NUDCD2: variants seen among roughly 807,000 people sequenced by gnomAD.
NUDCD2 encodes nudC domain-containing protein 2.
In NUDCD2, 16 loss-of-function variants were observed where a neutral mutation model predicts 20.8. That is an observed-to-expected ratio of 0.77 (90% CI 0.52 to 1.17). The LOEUF (loss-of-function observed/expected upper bound fraction) is 1.17. Ranked by LOEUF, NUDCD2 falls within the 50% of genes most tolerant of loss-of-function variation. The pLI is 0.00. For missense variants in NUDCD2, 199 were observed against 193.9 expected (o/e 1.03, Z -0.16); for synonymous variants, 87 against 72.8 (o/e 1.20, Z -1.00).
rs764231026 is a variant in NUDCD2, at chr5:163,456,989, C to T, written c.330G>A (p.Ala110=). 8.1e-6 allele frequency: 13 copies of T among 1,612,640 alleles called. No individual in the cohort carries two copies. The highest frequency in any genetic ancestry group is 2.2e-5 in the East Asian group (1 of 44,884). The stretch of plus-strand genomic sequence containing the variant: ...GCATTTGGTCTTGCACCCAAGGATC[C>T]GCTGCATATTCAGATTCTAGTAGAG... ...WTSLLESEYA[A]DPWVQDQMQR... is the part of the protein sequence containing the mutation. The change falls in exon 3 of 4, where the codon GCG becomes GCA. Residue 110 remains alanine (A), a synonymous_variant. Coordinates refer to ENST00000302764, the MANE Select transcript of NUDCD2 (RefSeq NM_145266.6).
At position 163,447,661 on chromosome 5, in the gene NUDCD2, C is replaced by A. The variant is rs1390373364; in HGVS notation, c.*6306G>T. On this transcript the variant is annotated 3_prime_UTR_variant, in exon 4 of 4. Coordinates refer to ENST00000302764, the MANE Select transcript of NUDCD2 (RefSeq NM_145266.6). ...TACCTAAAACAGCAGAATAAGCATTCTTTTCAAGTACACATGGAACACTCA... is the reference window on the plus strand; with the variant it reads ...TACCTAAAACAGCAGAATAAGCATTATTTTCAAGTACACATGGAACACTCA... The A allele has an allele frequency of 6.6e-6, 1 of 152,106 alleles. No individual in the cohort carries two copies. Among genetic ancestry groups the A allele is most frequent in the East Asian group, 1.9e-4 (1 of 5,190 alleles). 9.4% of individuals were successfully genotyped at this position (152,106 alleles called of 1,614,324 possible).
chr5:163,458,384 GACTA>G (rs750029743), intron 1 of NUDCD2, among the ~76,000 whole-genome samples: 60 of 152,016 alleles, frequency 3.9e-4, no homozygotes, highest in South Asian at 1.7e-3. Flanking sequence ...GATTAGTTGT[GACTA>G]ACTGTTCACA....
rs1758237747 is a variant in NUDCD2 at position 163,453,863 on chromosome 5, C to T, written c.*104G>A. 1 of 512,674 alleles carries T rather than the reference C, an allele frequency of 2.0e-6. No homozygotes were observed. Among genetic ancestry groups the T allele is most frequent in the Non-Finnish European group, 3.5e-6 (1 of 286,074 alleles). 31.8% of individuals were successfully genotyped at this position (512,674 alleles called of 1,614,324 possible). On this transcript the variant is annotated 3_prime_UTR_variant, in exon 4 of 4. Coordinates refer to ENST00000302764, the MANE Select transcript of NUDCD2 (RefSeq NM_145266.6). ...ACCATTTTAAGATACATTTTGCAAT[C>T]TGTTAACTGTAGGCATCCGCATTTT... is the stretch of plus-strand genomic sequence containing the variant.
intron 3 of NUDCD2, among the ~76,000 whole-genome samples, chr5:163,455,382 G>T (rs1478010820): frequency 6.6e-6 from 1 of 152,208 alleles, no homozygotes; most frequent in Non-Finnish European, 1.5e-5. Context: ...GGTAATCAGG[G>T]AGATGATGGA....
rs1758430907 is a variant in NUDCD2 at position 163,459,772 on chromosome 5, G to A, written c.189+90C>T. 9 of 1,164,834 alleles carry A rather than the reference G, an allele frequency of 7.7e-6. No homozygotes were observed. In the South Asian group the frequency reaches 1.2e-4, roughly 15 times the overall value. 72.2% of individuals were successfully genotyped at this position (1,164,834 alleles called of 1,614,324 possible). On this transcript the variant is annotated intron_variant, in intron 1 of 3. Transcript: ENST00000302764. ...CTTTCTCTTTCTGCCAGCCACAGGA[G>A]CCGTCGGGACACCCAACAGTCGTTC...
chr5:163,459,296 A>C (rs1758410154), intron 1 of NUDCD2: 1 of 152,342 alleles, frequency 6.6e-6, no homozygotes, highest in Non-Finnish European at 1.5e-5. Context: ...GAAAAGAAAT[A>C]AAAGGAGTAC....
Position 163,450,125 on chromosome 5 carries a change from G to C in NUDCD2, c.*3842C>G, listed in dbSNP as rs1423707372. On this transcript the variant is annotated 3_prime_UTR_variant, in exon 4 of 4. Transcript: ENST00000302764. ...ATAAAAAAAAAATGGGCTGGGAGTG[G>C]TGGTGCACACCTGTAGTCCCAGCTA... 1 of 152,236 alleles carries C rather than the reference G, an allele frequency of 6.6e-6. No homozygotes were observed. Among genetic ancestry groups the C allele is most frequent in the African/African-American group, 2.4e-5 (1 of 41,418 alleles). 9.4% of individuals were successfully genotyped at this position (152,236 alleles called of 1,614,324 possible).
chr5:163,455,735 GAA>G (rs80324793), intron 3 of NUDCD2, among the ~76,000 whole-genome samples: 35 of 108,784 alleles, frequency 3.2e-4, no homozygotes, highest in East Asian at 4.7e-4. Flanking sequence ...CTCCATCTCA[GAA>G]AAAAAAAAAA....
rs1471978874 is a variant in NUDCD2, at chr5:163,460,023, CA to C, written c.27del (p.Ser9ArgfsTer63). 1.2e-6 allele frequency: 2 copies of C among 1,600,804 alleles called. No homozygotes were observed. The highest frequency in any genetic ancestry group is 2.7e-5 in the African/African-American group (2 of 74,210). MSAPFEER[S>X]GVVPCGTPWG... ...CACGGGGTCCCGCACGGTACCACCC[CA>C]CTCCGCTCCTCAAACGGGGCCGACA... On this transcript the variant is annotated frameshift_variant, in exon 1 of 4. Coordinates refer to ENST00000302764, the MANE Select transcript of NUDCD2 (RefSeq NM_145266.6). LOFTEE classifies it high-confidence loss of function.
chr5:163,453,814 T>C lies in NUDCD2; in HGVS notation c.*153A>G. 3 of 432,074 alleles carry C rather than the reference T, an allele frequency of 6.9e-6. No individual in the cohort carries two copies. The South Asian group carries it at 1.9e-4, about 28-fold the overall frequency. 26.8% of individuals were successfully genotyped at this position (432,074 alleles called of 1,614,324 possible). A position where few individuals can be genotyped will look rare whatever the true frequency, so the allele number is the denominator to read the frequency against. The stretch of plus-strand genomic sequence containing the variant: ...TCCCACAGTACATTTCCTATGTAAA[T>C]TATGTTTGAATGCAATTTTTAGAAC... On this transcript the variant is annotated 3_prime_UTR_variant, in exon 4 of 4. Transcript: ENST00000302764.
intron 2 of NUDCD2, 134 bp downstream of exon 2, chr5:163,457,428 A>G: frequency 1.5e-6 from 1 of 646,426 alleles, no homozygotes; most frequent in Non-Finnish European, 2.8e-6. Context: ...TAACTTTGAC[A>G]TACAACGGTT....
chr5:163,454,100 T>C (rs756335065), intron 3 of NUDCD2, 50 bp from the exon 4 acceptor site: 2 of 960,858 alleles, frequency 2.1e-6, no homozygotes, highest in Non-Finnish European at 1.5e-6. Context: ...TAAGGAAAAA[T>C]ACAAGTACAA....
At chr5:163,454,699 A>C (rs1251412168) in intron 3 of NUDCD2, among the ~76,000 whole-genome samples, 1 of 152,216 alleles carries the variant, frequency 6.6e-6, no homozygotes, top group Non-Finnish European at 1.5e-5. Flanking sequence ...AGAGCTATAC[A>C]TATATAAGAT....
rs893990374 is a variant in NUDCD2, at chr5:163,451,153, A to G, written c.*2814T>C. The G allele has an allele frequency of 6.6e-6, 1 of 152,328 alleles. No individual in the cohort carries two copies. The highest frequency in any genetic ancestry group is 2.1e-4 in the South Asian group (1 of 4,826). The allele number at this position is 152,328 out of a possible 1,614,324, so 9.4% of individuals were successfully genotyped here. On this transcript the variant is annotated 3_prime_UTR_variant, in exon 4 of 4. Transcript: ENST00000302764. Reference sequence around the variant, plus strand: ...ACAGGAGAAGGATAAAAGCTAAACTATACAAGGTTTCTATCTGAGGTGATG... The same window carrying G: ...ACAGGAGAAGGATAAAAGCTAAACTGTACAAGGTTTCTATCTGAGGTGATG...
Position 163,457,168 on chromosome 5 carries a change from C to T in NUDCD2, c.239-88G>A, listed in dbSNP as rs574702149. ...TTTTTTTTTTTGAGACAGTATCACT[C>T]TCACCCAGGCTGGAGTGCAGCGGCT... On this transcript the variant is annotated intron_variant, in intron 2 of 3. Coordinates refer to ENST00000302764, the MANE Select transcript of NUDCD2 (RefSeq NM_145266.6). 2,355 of 1,336,718 alleles carry T rather than the reference C, an allele frequency of 1.8e-3. 4 individuals are homozygous for T. The highest frequency in any genetic ancestry group is 2.2e-3 in the Non-Finnish European group (2,201 of 1,008,052). The allele number at this position is 1,336,718 out of a possible 1,614,324, so 82.8% of individuals were successfully genotyped here. A position where few individuals can be genotyped will look rare whatever the true frequency, so the allele number is the denominator to read the frequency against.
At chr5:163,457,492 T>C (rs1421786038) in intron 2 of NUDCD2, 70 bp downstream of exon 2, 1 of 922,098 alleles carries the variant, frequency 1.1e-6, no homozygotes, top group Non-Finnish European at 1.8e-6. Context: ...AAAAAAGACC[T>C]AATACAAAAG....
rs547898503 is a variant in NUDCD2 at position 163,453,239 on chromosome 5, T to C, written c.*728A>G. 4 of 152,322 alleles carry C rather than the reference T, an allele frequency of 2.6e-5. No individual in the cohort carries two copies. In the South Asian group the frequency reaches 8.3e-4, roughly 32 times the overall value. The allele number at this position is 152,322 out of a possible 1,614,324, so 9.4% of individuals were successfully genotyped here. On this transcript the variant is annotated 3_prime_UTR_variant, in exon 4 of 4. Transcript: ENST00000302764. ...AATAGGATATTGAATAAAATGTCTA[T>C]AGACAATTCCTACCTATATGCCTAA...
chr5:163,455,903 A>G (rs901588255), intron 3 of NUDCD2, among the ~76,000 whole-genome samples: 5 of 152,228 alleles, frequency 3.3e-5, no homozygotes, highest in African/African-American at 1.2e-4. Context: ...GCCAAATTCT[A>G]AATATATTTC....
In NUDCD2 at chr5:163,447,856, G is replaced by A. The variant is rs1007028604; in HGVS notation, c.*6111C>T. The A allele has an allele frequency of 2.0e-5, 3 of 152,170 alleles. No individual in the cohort carries two copies. Among genetic ancestry groups the A allele is most frequent in the African/African-American group, 7.2e-5 (3 of 41,440 alleles). The allele number at this position is 152,170 out of a possible 1,614,324, so 9.4% of individuals were successfully genotyped here. A position where few individuals can be genotyped will look rare whatever the true frequency, so the allele number is the denominator to read the frequency against. ...AAATAACTCATGATACTACAGGGAA[G>A]TCTTAAAAAATATTTTAAAATAAAT... On this transcript the variant is annotated 3_prime_UTR_variant, in exon 4 of 4. Coordinates refer to ENST00000302764, the MANE Select transcript of NUDCD2 (RefSeq NM_145266.6).
Sources: allele counts gnomAD v4.1 joint callset (sites outside exome capture counted in the v4.1 genomes callset), GRCh38; gene constraint gnomAD v4.1.1; transcripts MANE v1.5; gene names NCBI Gene and HGNC (gene_info 2026-07-23, HGNC 2026-07-21).